KCNH5: variants seen among roughly 807,000 people sequenced by gnomAD.
KCNH5 encodes potassium voltage-gated channel subfamily H member 5.
A neutral mutation model predicts 96.1 loss-of-function variants in KCNH5; 46 were observed. The ratio of observed to expected loss-of-function variants is 0.48; its 90% CI spans 0.38 to 0.61. The LOEUF (loss-of-function observed/expected upper bound fraction) is 0.61. KCNH5 is among the 20% of genes least tolerant of loss of function. The pLI is 0.00. For synonymous variants in KCNH5, 439 were observed against 449.8 expected, an observed-to-expected ratio of 0.98 and a Z score of 0.30; for missense variants, 907 against 1,225.8, an observed-to-expected ratio of 0.74 and a Z score of 3.88.
intron 8 of KCNH5, among the ~76,000 whole-genome samples, chr14:62,806,050 G>C (rs1186970148): frequency 6.6e-6 from 1 of 152,108 alleles, no homozygotes; most frequent in African/African-American, 2.4e-5. Context: ...ACAGGTTGCA[G>C]TAAAGAAGCT....
intron 7 of KCNH5, among the ~76,000 whole-genome samples, chr14:62,941,522 T>C (rs1026865924): frequency 6.6e-6 from 1 of 152,092 alleles, no homozygotes; most frequent in Non-Finnish European, 1.5e-5. Flanking sequence ...TTTTTTCTCA[T>C]GCGAAACTCA....
chr14:62,742,781 A>C (rs1026179613), intron 10 of KCNH5, among the ~76,000 whole-genome samples: 3 of 152,166 alleles, frequency 2.0e-5, no homozygotes, highest in Non-Finnish European at 4.4e-5. Flanking sequence ...AGGCCCTTAG[A>C]TCAAACTATA....
intron 6 of KCNH5, among the ~76,000 whole-genome samples, chr14:62,964,476 GAC>G (rs111788496): frequency 6.6e-6 from 1 of 150,670 alleles, no homozygotes; most frequent in Non-Finnish European, 1.5e-5. Context: ...TATACTCACA[GAC>G]ACACACACAC....
rs377418939 is a variant in KCNH5, at chr14:62,981,061, A to G, written c.753T>C (p.Asp251=). The G allele has an allele frequency of 1.7e-5, 28 of 1,614,082 alleles. No individual in the cohort carries two copies. The African/African-American group carries it at 3.6e-4, about 21-fold the overall frequency. The change falls in exon 6 of 11, where the codon GAT becomes GAC. Residue 251 remains aspartate, a synonymous_variant. Coordinates refer to ENST00000322893, the MANE Select transcript of KCNH5 (RefSeq NM_139318.5). ...CCAGAAAAATAACGTCCACCACACT[A>G]TCCAGTACCAGCCAGGCTATGTTGT... The part of the protein sequence containing the change: ...KQNNIAWLVL[D]SVVDVIFLVD...
chr14:62,932,488 A>C (rs1889599601), intron 7 of KCNH5, among the ~76,000 whole-genome samples: 1 of 151,588 alleles, frequency 6.6e-6, no homozygotes, highest in Non-Finnish European at 1.5e-5. Flanking sequence ...AAAAAAAAAA[A>C]AAACTAAAAA....
At chr14:62,993,747 G>A (rs1045105589) in intron 4 of KCNH5, among the ~76,000 whole-genome samples, 13 of 152,044 alleles carry the variant, frequency 8.6e-5, no homozygotes, top group African/African-American at 2.9e-4. Context: ...GAAAAAAGAC[G>A]TATCAGCAGT....
chr14:62,713,188 G>A (rs1193253063), intron 10 of KCNH5, among the ~76,000 whole-genome samples: 2 of 152,156 alleles, frequency 1.3e-5, no homozygotes, highest in Non-Finnish European at 2.9e-5. Context: ...GACGTGGTGC[G>A]TCTAGGAATG....
intron 1 of KCNH5, among the ~76,000 whole-genome samples, chr14:63,036,415 T>C (rs933462739): frequency 6.6e-6 from 1 of 151,752 alleles, no homozygotes; most frequent in Admixed American, 6.6e-5. Flanking sequence ...ACTAACATTA[T>C]ACTGAATGGA....
intron 9 of KCNH5, among the ~76,000 whole-genome samples, chr14:62,800,160 AAAAG>A (rs1006559367): frequency 2.6e-5 from 4 of 152,078 alleles, no homozygotes; most frequent in African/African-American, 9.7e-5. Context: ...CTATAGAAAA[AAAAG>A]AAAGGTCACC....
At chr14:62,948,600 T>A (rs1200474721) in intron 7 of KCNH5, among the ~76,000 whole-genome samples, 1 of 151,620 alleles carries the variant, frequency 6.6e-6, no homozygotes, top group African/African-American at 2.4e-5. Context: ...ACTGGTACCA[T>A]TCCTTCTGAA....
chr14:63,037,643 T>A (rs1299820226), intron 1 of KCNH5, among the ~76,000 whole-genome samples: 2 of 152,136 alleles, frequency 1.3e-5, no homozygotes, highest in African/African-American at 4.8e-5. Flanking sequence ...ACAGAAAAGA[T>A]CAGGACAAAG....
chr14:62,956,791 A>G (rs1030188738), intron 6 of KCNH5, among the ~76,000 whole-genome samples: 21 of 152,144 alleles, frequency 1.4e-4, no homozygotes, highest in Non-Finnish European at 7.4e-5. Flanking sequence ...ACAGTTTTAG[A>G]GGTTGATCCT....
chr14:62,938,770 C>A (rs1242764776), intron 7 of KCNH5, among the ~76,000 whole-genome samples: 1 of 152,160 alleles, frequency 6.6e-6, no homozygotes, highest in Non-Finnish European at 1.5e-5. Flanking sequence ...ATTGGAAAGT[C>A]ACCAAATAAG....
chr14:62,880,098 T>C (rs569173162), intron 7 of KCNH5, among the ~76,000 whole-genome samples: 1 of 152,320 alleles, frequency 6.6e-6, no homozygotes, highest in African/African-American at 2.4e-5. Context: ...ATGGTGACTA[T>C]ATGTGGGAGA....
intron 7 of KCNH5, among the ~76,000 whole-genome samples, chr14:62,932,526 T>C (rs1200461659): frequency 8.9e-6 from 1 of 112,622 alleles, no homozygotes; most frequent in Non-Finnish European, 1.9e-5. Context: ...AATAGCCAAA[T>C]AATAAGAATT....
intron 8 of KCNH5, among the ~76,000 whole-genome samples, chr14:62,833,724 C>A (rs1887408092): frequency 6.6e-6 from 1 of 151,982 alleles, no homozygotes; most frequent in South Asian, 2.1e-4. Context: ...AGAGATCAAA[C>A]TAATTTTTGC....
chr14:62,975,192 A>C (rs917461391), intron 6 of KCNH5, among the ~76,000 whole-genome samples: 9 of 152,168 alleles, frequency 5.9e-5, no homozygotes, highest in African/African-American at 2.2e-4. Flanking sequence ...AACACACACA[A>C]ATCAACAAAA....
chr14:62,760,546 T>C (rs1885725501), intron 10 of KCNH5, among the ~76,000 whole-genome samples: 1 of 152,228 alleles, frequency 6.6e-6, no homozygotes, highest in Non-Finnish European at 1.5e-5. Flanking sequence ...CTTCTACAGA[T>C]GACATTACTC....
intron 6 of KCNH5, among the ~76,000 whole-genome samples, chr14:62,951,836 G>A (rs1890011564): frequency 1.3e-5 from 2 of 151,868 alleles, no homozygotes; most frequent in South Asian, 4.2e-4. Flanking sequence ...GGTGGTGGGT[G>A]CCTATAATCC....
Sources: allele counts gnomAD v4.1 joint callset (sites outside exome capture counted in the v4.1 genomes callset), GRCh38; gene constraint gnomAD v4.1.1; transcripts MANE v1.5; gene names NCBI Gene and HGNC (gene_info 2026-07-23, HGNC 2026-07-21).